SLC6A12: variants seen among roughly 807,000 people sequenced by gnomAD.
SLC6A12 encodes the protein solute carrier family 6 member 12, also known as sodium- and chloride-dependent betaine transporter.
A neutral mutation model predicts 73.3 loss-of-function variants in SLC6A12; 50 were observed. That is an observed-to-expected ratio of 0.68 (90% confidence interval 0.54 to 0.86). SLC6A12 has a LOEUF of 0.86. Among genes scored for constraint, SLC6A12 ranks in the 40% least tolerant of loss-of-function variants. The pLI is 0.00. For synonymous variants in SLC6A12, 304 were observed against 309.2 expected, an observed-to-expected ratio of 0.98 and a Z score of 0.18; for missense variants, 648 against 772.8, an observed-to-expected ratio of 0.84 and a Z score of 1.92.
chr12:193,229 G>A, intron 14 of SLC6A12, 48 bp downstream of exon 14: 1 of 1,342,510 alleles, frequency 7.4e-7, no homozygotes, highest in South Asian at 1.2e-5. Flanking sequence ...CATCTCTGGA[G>A]TCTTCTGGGG....
At chr12:191,281 AC>A in intron 15 of SLC6A12, 70 bp from the exon 16 acceptor site, 1 of 1,232,236 alleles carries the variant, frequency 8.1e-7, no homozygotes. Flanking sequence ...CATGTGTGCA[AC>A]CCCAGGGCCC....
intron 14 of SLC6A12, 154 bp downstream of exon 14, chr12:193,123 G>A (rs1939690295): frequency 1.6e-6 from 1 of 631,698 alleles, no homozygotes; most frequent in Non-Finnish European, 2.8e-6. Flanking sequence ...CCAGAAAGAA[G>A]AGCAGGGAAG....
downstream of SLC6A12, among the ~76,000 whole-genome samples, chr12:189,458 G>T (rs776430617): frequency 6.6e-6 from 1 of 152,218 alleles, no homozygotes; most frequent in Non-Finnish European, 1.5e-5. Flanking sequence ...AGGGAGACAA[G>T]GGGGGCGGTC....
chr12:203,066 T>C (rs1408479884), intron 4 of SLC6A12, among the ~76,000 whole-genome samples, 186 bp from the exon 5 acceptor site: 6 of 134,724 alleles, frequency 4.5e-5, no homozygotes, highest in African/African-American at 1.7e-4. Context: ...TTTCTTTTTT[T>C]TTTTTTTTTT....
chr12:209,876 G>A lies in SLC6A12; in HGVS notation c.111C>T (p.Gly37=). Residue 37 remains glycine, a synonymous_variant, in exon 3 of 16, where the codon GGC becomes GGT. Transcript: ENST00000684302. ...CAAACTCCATCTTGTTGGTCCATTG[G>A]CCCCGATCCTTCACCTGGTCCTCGT... ...QEDEDQVKDR[G]QWTNKMEFVL... is the part of the protein sequence containing the mutation. 6.2e-7 allele frequency: 1 copy of A among 1,614,162 alleles called. No individual in the cohort carries two copies. The highest frequency in any genetic ancestry group is 8.5e-7 in the Non-Finnish European group (1 of 1,180,014).
rs1035384197 is a variant in SLC6A12 at position 190,812 on chromosome 12, A to G, written c.*256T>C. ...CCTCCAAAAAGACCCCCCTTTATAA[A>G]AACGATGGTGCCTTCCCACAGGGAG... On this transcript the variant is annotated 3_prime_UTR_variant, in exon 16 of 16. Transcript: ENST00000684302. 3 of 328,626 alleles carry G rather than the reference A, an allele frequency of 9.1e-6. No homozygotes were observed. Among genetic ancestry groups the G allele is most frequent in the Middle Eastern group, 7.9e-4 (1 of 1,260 alleles). The allele number at this position is 328,626 out of a possible 1,614,324, so 20.4% of individuals were successfully genotyped here.
At chr12:197,317 G>T in intron 10 of SLC6A12, 60 bp downstream of exon 10, 2 of 1,546,654 alleles carry the variant, frequency 1.3e-6, no homozygotes, top group East Asian at 2.3e-5. Context: ...TTCAGCAAGA[G>T]AGAAGTGTGT....
intron 12 of SLC6A12, among the ~76,000 whole-genome samples, 174 bp from the exon 13 acceptor site, chr12:195,501 T>G (rs1320931341): frequency 6.6e-6 from 1 of 152,064 alleles, no homozygotes; most frequent in African/African-American, 2.4e-5. Context: ...GGCCCCCCAG[T>G]CAACATCAGG....
intron 5 of SLC6A12, among the ~76,000 whole-genome samples, chr12:202,499 G>T (rs922864609): frequency 5.3e-5 from 8 of 152,166 alleles, no homozygotes; most frequent in African/African-American, 1.9e-4. Flanking sequence ...TGAGTAAGTG[G>T]CAATAACCCT....
Position 191,221 on chromosome 12 carries a change from G to C in SLC6A12, c.1702-10C>G. 7.9e-7 allele frequency: 1 copy of C among 1,262,448 alleles called. No individual in the cohort carries two copies. The highest frequency in any genetic ancestry group is 1.0e-6 in the Non-Finnish European group (1 of 994,418). 78.2% of individuals were successfully genotyped at this position (1,262,448 alleles called of 1,614,324 possible). ...TGAGCTGACGCAGACGCTGTGGAGA[G>C]AAGAGGCAGGGATTTGGAGCTGATG... On this transcript the variant is annotated splice_polypyrimidine_tract_variant and intron_variant, in intron 15 of 15. Coordinates refer to ENST00000684302, the MANE Select transcript of SLC6A12 (RefSeq NM_001122848.3).
chr12:187,823 T>C (rs1244418172), downstream of SLC6A12, among the ~76,000 whole-genome samples: 1 of 152,084 alleles, frequency 6.6e-6, no homozygotes, highest in African/African-American at 2.4e-5. Flanking sequence ...TTGATTGGTG[T>C]GTTTACAACG....
downstream of SLC6A12, among the ~76,000 whole-genome samples, chr12:189,758 C>T (rs140608312): frequency 8.3e-3 from 1,264 of 152,248 alleles, 6 homozygotes; most frequent in Non-Finnish European, 0.015. Flanking sequence ...ATGTGGGACT[C>T]GGTAGGGGTG....
chr12:200,627 T>G, intron 7 of SLC6A12, 24 bp downstream of exon 7: 1 of 1,610,854 alleles, frequency 6.2e-7, no homozygotes, highest in Non-Finnish European at 8.5e-7. Flanking sequence ...CAAAGGGAGC[T>G]TCCCAGGAGG....
rs751661530 is a variant in SLC6A12 at position 198,021 on chromosome 12, A to G, written c.847-18T>C. 2.4e-5 allele frequency: 39 copies of G among 1,607,988 alleles called. No homozygotes were observed. ...ATCCACACCTACACAAAACCCCAAG[A>G]AAGAGGTAGAGGCAGCCCCCAGGGC... On this transcript the variant is annotated intron_variant, in intron 8 of 15. Transcript: ENST00000684302. This position sits in a 1 kb window ranked among gnomAD's most constrained non-coding sequence, Gnocchi z 4.0.
downstream of SLC6A12, among the ~76,000 whole-genome samples, chr12:186,601 C>G (rs577720319): frequency 3.3e-5 from 5 of 152,302 alleles, no homozygotes; most frequent in South Asian, 1.0e-3. Context: ...AGTGTATTCA[C>G]CTTGCAGCAA....
chr12:188,708 C>A (rs1939490478), downstream of SLC6A12, among the ~76,000 whole-genome samples: 1 of 151,802 alleles, frequency 6.6e-6, no homozygotes, highest in Non-Finnish European at 1.5e-5. Flanking sequence ...CGCGTGAACT[C>A]ATGTGCACAC....
At chr12:187,632 CAAA>C (rs749500810), downstream of SLC6A12, among the ~76,000 whole-genome samples, 32,181 of 96,444 alleles carry the variant, frequency 0.33, 5,244 homozygotes, top group Middle Eastern at 0.4. Flanking sequence ...AAAAAAAAAA[CAAA>C]CCACACACAC....
chr12:200,860 T>C (rs778111928), intron 6 of SLC6A12, 77 bp from the exon 7 acceptor site: 358 of 1,468,252 alleles, frequency 2.4e-4, no homozygotes, highest in Non-Finnish European at 3.2e-4. Context: ...AGTCTCCTGA[T>C]TCTCAGAGCT....
In SLC6A12 at chr12:195,214, A is replaced by T; in HGVS notation, c.1429+11T>A. The T allele has an allele frequency of 7.0e-7, 1 of 1,428,420 alleles. No homozygotes were observed. The highest frequency in any genetic ancestry group is 9.9e-7 in the Non-Finnish European group (1 of 1,012,976). 88.5% of individuals were successfully genotyped at this position (1,428,420 alleles called of 1,614,324 possible). A position where few individuals can be genotyped will look rare whatever the true frequency, so the allele number is the denominator to read the frequency against. Reference sequence around the variant, plus strand: ...CCACCCTGCTTTCCCACCCCACTCCACCCCACTCACCATACACCCAGCTTA... The same window carrying T: ...CCACCCTGCTTTCCCACCCCACTCCTCCCCACTCACCATACACCCAGCTTA... On this transcript the variant is annotated intron_variant, in intron 13 of 15. Coordinates refer to ENST00000684302, the MANE Select transcript of SLC6A12 (RefSeq NM_001122848.3).
Sources: gnomAD v4.1 joint callset for allele counts (sites outside exome capture counted in the v4.1 genomes callset) on GRCh38, gnomAD v4.1.1 for gene constraint, Gnocchi (gnomAD v3.1) non-coding constraint, MANE v1.5 for transcripts, NCBI Gene and HGNC (gene_info 2026-07-23, HGNC 2026-07-21) for gene names.